CPA5: variants seen among roughly 807,000 people sequenced by gnomAD.
CPA5 encodes the protein carboxypeptidase A5.
In CPA5, 38 loss-of-function variants were observed where a neutral mutation model predicts 52.2. The observed-to-expected ratio is 0.73, with a 90% CI of 0.56 to 0.95. The LOEUF is 0.95. Among genes scored for constraint, CPA5 ranks in the 40% least tolerant of loss-of-function variants. The probability of loss-of-function intolerance (pLI) is 0.00; values close to 1 mark genes in which losing one functional copy is unlikely to be tolerated. For missense variants in CPA5, 519 were observed against 566.7 expected (o/e 0.92, Z 0.86); for synonymous variants, 198 against 213.7 (o/e 0.93, Z 0.64).
intron 10 of CPA5, among the ~76,000 whole-genome samples, chr7:130,366,952 C>A (rs1554408557): frequency 6.6e-6 from 1 of 152,208 alleles, no homozygotes; most frequent in Non-Finnish European, 1.5e-5. Context: ...AGTCCTCTGA[C>A]ATATTAGATT....
At chr7:130,357,584 C>G (rs1795550231) in intron 5 of CPA5, among the ~76,000 whole-genome samples, 1 of 150,298 alleles carries the variant, frequency 6.7e-6, no homozygotes, top group Non-Finnish European at 1.5e-5. Context: ...GATCACGCCA[C>G]TGTACTCCAG....
chr7:130,352,752 G>A (rs1163393373), intron 5 of CPA5, among the ~76,000 whole-genome samples: 1 of 152,162 alleles, frequency 6.6e-6, no homozygotes, highest in Non-Finnish European at 1.5e-5. Flanking sequence ...TGAGGAAATT[G>A]CAGTGGGCCA....
chr7:130,354,144 T>C (rs1245357328), intron 5 of CPA5, among the ~76,000 whole-genome samples: 2 of 152,066 alleles, frequency 1.3e-5, no homozygotes, highest in Non-Finnish European at 2.9e-5. Flanking sequence ...CCCAGGCTGC[T>C]CTTGAACTCC....
chr7:130,356,005 C>A (rs143749384), intron 5 of CPA5, among the ~76,000 whole-genome samples: 16 of 152,342 alleles, frequency 1.1e-4, no homozygotes, highest in Admixed American at 2.0e-4. Context: ...AGCCACCCCC[C>A]ACATCCAGTG....
intron 5 of CPA5, among the ~76,000 whole-genome samples, chr7:130,351,478 G>C (rs533816275): frequency 2.6e-5 from 4 of 152,292 alleles, no homozygotes; most frequent in Non-Finnish European, 4.4e-5. Flanking sequence ...CACATCCGCA[G>C]CCCCGAGTCC....
At chr7:130,360,416 A>T (rs782511822) in intron 6 of CPA5, among the ~76,000 whole-genome samples, 4 of 152,254 alleles carry the variant, frequency 2.6e-5, no homozygotes, top group Non-Finnish European at 5.9e-5. Flanking sequence ...AGTTAGAGCC[A>T]GCCAGGGTAA....
intron 5 of CPA5, among the ~76,000 whole-genome samples, chr7:130,353,954 ACT>A (rs1562951902): frequency 6.6e-6 from 1 of 152,036 alleles, no homozygotes; most frequent in Non-Finnish European, 1.5e-5. Context: ...ACAAGATCTC[ACT>A]CTGTTGTCTA....
At chr7:130,358,611 G>A (rs898886538) in intron 5 of CPA5, among the ~76,000 whole-genome samples, 5 of 152,284 alleles carry the variant, frequency 3.3e-5, no homozygotes, top group African/African-American at 4.8e-5. Flanking sequence ...GGCAACTCGC[G>A]TTAATGAGGA....
chr7:130,368,543 G>A lies in CPA5; in HGVS notation c.1257G>A (p.Glu419=). Residue 419 remains glutamate, a synonymous_variant, in exon 13 of 13, where the codon GAG becomes GAA. Transcript: ENST00000474905. Reference sequence around the variant, plus strand: ...CACAGATCATCCCCACGGCCCAGGAGACGTGGATGGCGCTTCGGACCATCA... The same window carrying A: ...CACAGATCATCCCCACGGCCCAGGAAACGTGGATGGCGCTTCGGACCATCA... ...PATQIIPTAQ[E]TWMALRTIME... 6.2e-7 allele frequency: 1 copy of A among 1,614,102 alleles called. No homozygotes were observed. Among genetic ancestry groups the A allele is most frequent in the Non-Finnish European group, 8.5e-7 (1 of 1,180,024 alleles).
rs1262223934 is a variant in CPA5, at chr7:130,354,581, A to AT, written c.333+4482dup. On this transcript the variant is annotated intron_variant, in intron 5 of 12. Coordinates refer to ENST00000474905, the MANE Select transcript of CPA5 (RefSeq NM_080385.5). ...GCCAATTTTTGTATTATTATTATTA[A>AT]TTTTTTTTTTAAAGTAGAGACAGGG... Among the ~76,000 whole-genome samples the AT allele has an allele frequency of 4.2e-4, 62 of 148,486 alleles. 1 individual carries two copies. The East Asian group carries it at 7.5e-3, about 18-fold the overall frequency.
rs1275089666 is a variant in CPA5 at position 130,368,491 on chromosome 7, G to A, written c.1205G>A (p.Gly402Glu). Residue 402 changes from glycine (G) to glutamate (E), a missense_variant, in exon 13 of 13, where the codon GGG becomes GAG. Gly to Glu is a moderately conservative substitution (Grantham distance 98). Transcript: ENST00000474905. ...TTCAGCTTTGAGCTCCGGGACACTG[G>A]GCAGTATGGCTTCCTGCTGCCGGCC... Reference protein sequence around the residue: ...YAFSFELRDTGQYGFLLPATQ... With the variant: ...YAFSFELRDTEQYGFLLPATQ... 1 of 1,614,004 alleles carries A rather than the reference G, an allele frequency of 6.2e-7. No individual in the cohort carries two copies. Among genetic ancestry groups the A allele is most frequent in the African/African-American group, 1.3e-5 (1 of 74,876 alleles).
At chr7:130,348,466 T>C (rs1302208097) in intron 4 of CPA5, among the ~76,000 whole-genome samples, 1 of 152,242 alleles carries the variant, frequency 6.6e-6, no homozygotes, top group Non-Finnish European at 1.5e-5. Flanking sequence ...TGATGCTTTA[T>C]GATCATTCTC....
At chr7:130,360,212 T>C (rs1051341035) in intron 6 of CPA5, among the ~76,000 whole-genome samples, 3 of 152,256 alleles carry the variant, frequency 2.0e-5, no homozygotes, top group Non-Finnish European at 2.9e-5. Context: ...TTCCTCTTTC[T>C]TTAACTCTTA....
chr7:130,352,438 G>A (rs540304369), intron 5 of CPA5, among the ~76,000 whole-genome samples: 3 of 151,942 alleles, frequency 2.0e-5, no homozygotes, highest in African/African-American at 4.8e-5. Context: ...CTATGGGAGC[G>A]CATACAAGAG....
At chr7:130,348,233 G>C (rs1554402892) in intron 4 of CPA5, among the ~76,000 whole-genome samples, 1 of 152,222 alleles carries the variant, frequency 6.6e-6, no homozygotes, top group African/African-American at 2.4e-5. Context: ...AAACGGCTTA[G>C]CTTGGCAAAC....
chr7:130,351,984 C>A (rs184053633), intron 5 of CPA5, among the ~76,000 whole-genome samples: 1 of 152,088 alleles, frequency 6.6e-6, no homozygotes, highest in African/African-American at 2.4e-5. Flanking sequence ...CTCCACGCTC[C>A]GTGTCAATCT....
chr7:130,358,397 C>T (rs1795611956), intron 5 of CPA5, among the ~76,000 whole-genome samples: 1 of 152,176 alleles, frequency 6.6e-6, no homozygotes, highest in South Asian at 2.1e-4. Flanking sequence ...TCACCTCCAC[C>T]ACTTGTTAGC....
chr7:130,358,141 C>T (rs747882030), intron 5 of CPA5, among the ~76,000 whole-genome samples: 5 of 151,992 alleles, frequency 3.3e-5, no homozygotes, highest in African/African-American at 1.2e-4. Context: ...TGCGGGCATG[C>T]GTCACCAAGC....
the CPA5 span, among the ~76,000 whole-genome samples, chr7:130,373,845 G>T: frequency 1.3e-5 from 2 of 152,222 alleles, no homozygotes; most frequent in Non-Finnish European, 2.9e-5. Context: ...AGGCCTGCGG[G>T]GCCCCAGGGC....
Sources: gnomAD v4.1 joint callset for allele counts (sites outside exome capture counted in the v4.1 genomes callset) on GRCh38, gnomAD v4.1.1 for gene constraint, MANE v1.5 for transcripts, NCBI Gene and HGNC (gene_info 2026-07-23, HGNC 2026-07-21) for gene names.